The following LRP1B variants were observed in gnomAD, a reference collection of about 807,000 sequenced individuals.
The protein encoded by LRP1B is low-density lipoprotein receptor-related protein 1B.
In LRP1B, 217 loss-of-function variants were observed where a neutral mutation model predicts 556.6. The ratio of observed to expected loss-of-function variants is 0.39; its 90% CI spans 0.35 to 0.44. The LOEUF (loss-of-function observed/expected upper bound fraction) is 0.44, where lower values mean the gene tolerates loss of function less well. Ranked by LOEUF, LRP1B falls within the 20% of genes least tolerant of loss-of-function variation. The pLI is 1.00. For synonymous variants in LRP1B, 2,047 were observed against 1,865.8 expected, an observed-to-expected ratio of 1.10 and a Z score of -2.50; for missense variants, 5,053 against 5,620.8, an observed-to-expected ratio of 0.90 and a Z score of 3.23.
chr2:140,634,564 A>G (rs978349859), intron 41 of LRP1B, among the ~76,000 whole-genome samples: 1 of 152,050 alleles, frequency 6.6e-6, no homozygotes, highest in African/African-American at 2.4e-5. Context: ...TAATTTTACA[A>G]TGGAGAAACC....
chr2:141,140,820 CTGAT>C (rs1481151236), intron 7 of LRP1B, among the ~76,000 whole-genome samples: 1 of 152,110 alleles, frequency 6.6e-6, no homozygotes, highest in African/African-American at 2.4e-5. Context: ...AACCGCTAAT[CTGAT>C]TGACTTACTG....
At chr2:141,700,505 T>C (rs1264751089) in intron 2 of LRP1B, among the ~76,000 whole-genome samples, 1 of 151,870 alleles carries the variant, frequency 6.6e-6, no homozygotes, top group Non-Finnish European at 1.5e-5. Flanking sequence ...TCCTAATTTT[T>C]ACATGTAACC....
At chr2:140,913,925 A>G (rs1306704120) in intron 21 of LRP1B, among the ~76,000 whole-genome samples, 2 of 150,876 alleles carry the variant, frequency 1.3e-5, no homozygotes, top group Non-Finnish European at 2.9e-5. Flanking sequence ...AATTCACACA[A>G]AAGATGAAAC....
At chr2:140,892,354 G>A (rs953514913) in intron 23 of LRP1B, among the ~76,000 whole-genome samples, 1 of 152,110 alleles carries the variant, frequency 6.6e-6, no homozygotes, top group African/African-American at 2.4e-5. Context: ...AGAACATAGT[G>A]TTGATTTCTA....
chr2:141,043,336 T>C (rs1190809189), intron 11 of LRP1B, among the ~76,000 whole-genome samples: 1 of 151,948 alleles, frequency 6.6e-6, no homozygotes, highest in African/African-American at 2.4e-5. Flanking sequence ...ATTGTTTTAC[T>C]TGCAGTATGA....
chr2:141,961,658 G>A (rs1348827979), intron 1 of LRP1B, among the ~76,000 whole-genome samples: 2 of 151,636 alleles, frequency 1.3e-5, no homozygotes, highest in African/African-American at 2.4e-5. Flanking sequence ...ATTGTATGGT[G>A]GACAGCATTG....
chr2:140,835,829 G>A (rs892798290), intron 31 of LRP1B, among the ~76,000 whole-genome samples: 3 of 152,124 alleles, frequency 2.0e-5, no homozygotes, highest in Non-Finnish European at 4.4e-5. Flanking sequence ...GTGAACCACC[G>A]CACCTGGCCA....
At chr2:140,985,690 C>A (rs372675821) in intron 17 of LRP1B, among the ~76,000 whole-genome samples, 2 of 151,878 alleles carry the variant, frequency 1.3e-5, no homozygotes, top group South Asian at 2.1e-4. Flanking sequence ...CCAACCCTTT[C>A]TCTTATTATT....
At chr2:140,727,331 C>G (rs1285104505) in intron 35 of LRP1B, among the ~76,000 whole-genome samples, 1 of 152,082 alleles carries the variant, frequency 6.6e-6, no homozygotes, top group Non-Finnish European at 1.5e-5. Context: ...AGGGACAGGC[C>G]TGAAATCTCA....
At chr2:141,895,063 A>AAG (rs1553481388) in intron 1 of LRP1B, among the ~76,000 whole-genome samples, 1,588 of 149,590 alleles carry the variant, frequency 0.011, 21 homozygotes, top group East Asian at 0.023. Flanking sequence ...AAAAAAAAAA[A>AAG]AAAGAAAAGA....
chr2:140,528,872 C>A (rs1690557377), intron 47 of LRP1B, among the ~76,000 whole-genome samples: 1 of 152,000 alleles, frequency 6.6e-6, no homozygotes, highest in South Asian at 2.1e-4. Flanking sequence ...AACTATATTT[C>A]ATCTTCACTT....
rs376235151 is a variant in LRP1B at position 140,717,142 on chromosome 2, T to C, written c.5759-326A>G. 9.2e-5 allele frequency among the ~76,000 whole-genome samples: 14 copies of C among 152,194 alleles called. No homozygotes were observed. The East Asian group carries it at 1.5e-3, about 17-fold the overall frequency. On this transcript the variant is annotated intron_variant, in intron 35 of 90. Coordinates refer to ENST00000389484, the MANE Select transcript of LRP1B (RefSeq NM_018557.3). ...CCTTATCCTGCATGAATTTGCAGCTTTGATTCCAAACCATGTTATTTTGGA... is the reference window on the plus strand; with the variant it reads ...CCTTATCCTGCATGAATTTGCAGCTCTGATTCCAAACCATGTTATTTTGGA...
intron 50 of LRP1B, 145 bp from the exon 51 acceptor site, chr2:140,514,917 C>T: frequency 1.2e-6 from 1 of 816,288 alleles, no homozygotes; most frequent in Admixed American, 3.2e-5. Flanking sequence ...TATGACAATT[C>T]TATAAAATTT....
intron 7 of LRP1B, among the ~76,000 whole-genome samples, chr2:141,167,755 A>G (rs73962836): frequency 0.046 from 6,934 of 152,094 alleles, 511 homozygotes; most frequent in African/African-American, 0.16. Flanking sequence ...TAAAATTAAT[A>G]GTACTTAAAA....
intron 3 of LRP1B, among the ~76,000 whole-genome samples, chr2:141,299,632 A>G (rs1018569796): frequency 2.6e-5 from 4 of 152,238 alleles, no homozygotes; most frequent in Admixed American, 2.6e-4. Context: ...CAGTAATTGT[A>G]CACGGACTGT....
chr2:141,383,673 C>T (rs1193939366), intron 3 of LRP1B, among the ~76,000 whole-genome samples: 1 of 152,082 alleles, frequency 6.6e-6, no homozygotes, highest in Non-Finnish European at 1.5e-5. Flanking sequence ...AGTATTCAGG[C>T]TTTAAAAGGC....
intron 41 of LRP1B, among the ~76,000 whole-genome samples, chr2:140,672,379 G>A (rs1462112212): frequency 2.7e-5 from 4 of 150,496 alleles, no homozygotes; most frequent in African/African-American, 7.3e-5. Context: ...AGCTACTCAG[G>A]AAGCTGAGGC....
Position 140,432,264 on chromosome 2 carries a change from A to T in LRP1B, c.10414+10240T>A, listed in dbSNP as rs1468311804. Among the ~76,000 whole-genome samples the T allele has an allele frequency of 2.0e-5, 3 of 151,834 alleles. No homozygotes were observed. The East Asian group carries it at 5.8e-4, about 29-fold the overall frequency. ...ACTGTAATTTTCCTTTACCTACCCA[A>T]ATCTTATAAAACAGACCCACCTGTA... On this transcript the variant is annotated intron_variant, in intron 66 of 90. Transcript: ENST00000389484.
rs527881188 is a variant in LRP1B, at chr2:141,940,530, C to T, written c.83-130129G>A. Among the ~76,000 whole-genome samples, 179 of 152,038 alleles carry T rather than the reference C, an allele frequency of 1.2e-3. 1 individual carries two copies. The highest frequency in any genetic ancestry group is 2.0e-3 in the Non-Finnish European group (137 of 67,982). On this transcript the variant is annotated intron_variant, in intron 1 of 90. Transcript: ENST00000389484. ...TGAAATGTTACTATGTTTTAGATAT[C>T]GGAAACAGACAGTTGGGGAAAAAGA...
Sources: gnomAD v4.1 joint callset for allele counts (sites outside exome capture counted in the v4.1 genomes callset) on GRCh38, gnomAD v4.1.1 for gene constraint, MANE v1.5 for transcripts, NCBI Gene and HGNC (gene_info 2026-07-23, HGNC 2026-07-21) for gene names.